Variants in COL26A1 observed in about 807,000 individuals in gnomAD.
COL26A1 encodes the protein collagen type XXVI alpha 1 chain.
COL26A1 carries 41 observed loss-of-function variants against 59.3 expected under a neutral mutation model. The observed-to-expected ratio is 0.69, with a 90% confidence interval of 0.54 to 0.90. The LOEUF (loss-of-function observed/expected upper bound fraction) is 0.90. Ranked by LOEUF, COL26A1 falls within the 40% of genes least tolerant of loss-of-function variation. The pLI is 0.00. For synonymous variants in COL26A1, 266 were observed against 256.0 expected, an observed-to-expected ratio of 1.04 and a Z score of -0.37; for missense variants, 612 against 602.3, an observed-to-expected ratio of 1.02 and a Z score of -0.17.
intron 3 of COL26A1, among the ~76,000 whole-genome samples, chr7:101,503,146 C>T (rs35363652): frequency 0.029 from 4,358 of 152,282 alleles, 94 homozygotes; most frequent in Middle Eastern, 0.044. Flanking sequence ...GATGCACCTT[C>T]CTCCCAGGCC....
intron 3 of COL26A1, 22 bp from the exon 4 acceptor site, chr7:101,533,060 A>G (rs373283127): frequency 4.4e-6 from 7 of 1,586,754 alleles, no homozygotes; most frequent in East Asian, 4.5e-5. Flanking sequence ...CTGCTCTCAT[A>G]TAAGTTCCTC....
intron 3 of COL26A1, among the ~76,000 whole-genome samples, chr7:101,466,535 A>G (rs1473307678): frequency 6.6e-6 from 1 of 152,044 alleles, no homozygotes; most frequent in Admixed American, 6.6e-5. Context: ...CCGTCTCTAC[A>G]GAAAACTTTA....
At chr7:101,462,757 A>G (rs531399046) in intron 3 of COL26A1, among the ~76,000 whole-genome samples, 1 of 152,146 alleles carries the variant, frequency 6.6e-6, no homozygotes, top group Non-Finnish European at 1.5e-5. Flanking sequence ...CTGGCAGGGC[A>G]GGACCCATCA....
chr7:101,466,947 G>A (rs1050113160), intron 3 of COL26A1, among the ~76,000 whole-genome samples: 12 of 151,810 alleles, frequency 7.9e-5, no homozygotes, highest in African/African-American at 1.5e-4. Flanking sequence ...AGGAATCCCC[G>A]GTCTTGCTGC....
At chr7:101,519,283 C>T (rs1795091684) in intron 3 of COL26A1, among the ~76,000 whole-genome samples, 3 of 152,128 alleles carry the variant, frequency 2.0e-5, no homozygotes. Flanking sequence ...CCAAAGTGGC[C>T]CAAAGCAATC....
At chr7:101,552,138 C>T (rs1795875710) in intron 10 of COL26A1, among the ~76,000 whole-genome samples, 1 of 152,234 alleles carries the variant, frequency 6.6e-6, no homozygotes, top group African/African-American at 2.4e-5. Flanking sequence ...ACAATGATGG[C>T]ACTTCTAGGT....
intron 3 of COL26A1, among the ~76,000 whole-genome samples, chr7:101,516,706 G>A (rs1385137475): frequency 6.6e-6 from 1 of 152,186 alleles, no homozygotes; most frequent in African/African-American, 2.4e-5. Flanking sequence ...CCAAACAACT[G>A]AGGTTCAGAG....
At chr7:101,385,246 T>C (rs1351778586) in intron 1 of COL26A1, among the ~76,000 whole-genome samples, 5 of 145,144 alleles carry the variant, frequency 3.4e-5, no homozygotes, top group Non-Finnish European at 6.2e-5. Flanking sequence ...TATATATATA[T>C]ATATACACAC....
chr7:101,391,565 A>T (rs1791729257), intron 1 of COL26A1, among the ~76,000 whole-genome samples: 1 of 151,904 alleles, frequency 6.6e-6, no homozygotes. Flanking sequence ...TATTTTTATT[A>T]TTATTTATTT....
At chr7:101,422,672 T>G (rs1792551936) in intron 2 of COL26A1, among the ~76,000 whole-genome samples, 1 of 152,162 alleles carries the variant, frequency 6.6e-6, no homozygotes. Context: ...AGACAGGATC[T>G]TGCTCTGTTG....
chr7:101,379,047 G>A (rs537532395), intron 1 of COL26A1, among the ~76,000 whole-genome samples: 2 of 152,172 alleles, frequency 1.3e-5, no homozygotes, highest in East Asian at 1.9e-4. Context: ...ATTTGGCTCC[G>A]GCTGTCTGCG....
At chr7:101,446,644 C>T (rs1409273432) in intron 2 of COL26A1, among the ~76,000 whole-genome samples, 2 of 152,070 alleles carry the variant, frequency 1.3e-5, no homozygotes, top group African/African-American at 2.4e-5. Context: ...GCCAGGAGTT[C>T]GAGAGCAGCC....
intron 1 of COL26A1, among the ~76,000 whole-genome samples, chr7:101,388,167 T>C (rs1791637468): frequency 6.6e-6 from 1 of 151,850 alleles, no homozygotes; most frequent in African/African-American, 2.4e-5. Flanking sequence ...GGAACTCTTT[T>C]CATCTTGCAA....
At chr7:101,412,886 G>A (rs1185547677) in intron 1 of COL26A1, among the ~76,000 whole-genome samples, 2 of 152,074 alleles carry the variant, frequency 1.3e-5, no homozygotes, top group Non-Finnish European at 2.9e-5. Flanking sequence ...CCCCTGTCCC[G>A]TGTCACCAGG....
At chr7:101,436,838 C>T (rs935416981) in intron 2 of COL26A1, among the ~76,000 whole-genome samples, 2 of 152,162 alleles carry the variant, frequency 1.3e-5, no homozygotes, top group Non-Finnish European at 2.9e-5. Context: ...GCCTCAGCCC[C>T]CTGAGTAGCT....
intron 4 of COL26A1, among the ~76,000 whole-genome samples, chr7:101,534,611 A>G (rs749704691): frequency 4.2e-5 from 6 of 143,046 alleles, no homozygotes; most frequent in Non-Finnish European, 7.4e-5. Context: ...AGGCATACAT[A>G]CACACACACA....
chr7:101,388,565 ATTTTCT>A (rs1791647843), intron 1 of COL26A1, among the ~76,000 whole-genome samples: 1 of 138,122 alleles, frequency 7.2e-6, no homozygotes, highest in African/African-American at 2.8e-5. Context: ...ATCACCACCT[ATTTTCT>A]TTTTTTTTTT....
intron 3 of COL26A1, among the ~76,000 whole-genome samples, chr7:101,461,164 T>C (rs1219272551): frequency 6.6e-6 from 1 of 152,094 alleles, no homozygotes; most frequent in Non-Finnish European, 1.5e-5. Flanking sequence ...TGTTTTGTTT[T>C]ACATTTTGTA....
intron 1 of COL26A1, among the ~76,000 whole-genome samples, chr7:101,418,654 T>C (rs772302871): frequency 1.3e-4 from 20 of 151,382 alleles, no homozygotes; most frequent in Admixed American, 9.2e-4. Context: ...TTTGTAGAGA[T>C]GGGGTCTCGC....
Sources: gnomAD v4.1 joint callset for allele counts (sites outside exome capture counted in the v4.1 genomes callset) on GRCh38, gnomAD v4.1.1 for gene constraint, MANE v1.5 for transcripts, NCBI Gene and HGNC (gene_info 2026-07-23, HGNC 2026-07-21) for gene names.